Variants in TMEM132B observed in about 807,000 individuals in gnomAD.
TMEM132B encodes transmembrane protein 132B.
Under a neutral mutation model 90.8 loss-of-function variants are expected in TMEM132B, and 18 were observed. The ratio of observed to expected loss-of-function variants is 0.20; its 90% CI spans 0.14 to 0.29. The LOEUF (loss-of-function observed/expected upper bound fraction) is 0.29, where lower values mean the gene tolerates loss of function less well. Among genes scored for constraint, TMEM132B ranks in the 10% least tolerant of loss-of-function variants. The probability of loss-of-function intolerance (pLI) is 1.00; values close to 1 mark genes in which losing one functional copy is unlikely to be tolerated. For missense variants in TMEM132B, 1,096 were observed against 1,326.8 expected (o/e 0.83, Z 2.70); for synonymous variants, 504 against 523.3 (o/e 0.96, Z 0.50).
At chr12:125,196,894 C>G (rs751592246) in intron 1 of TMEM132B, among the ~76,000 whole-genome samples, 2 of 152,044 alleles carry the variant, frequency 1.3e-5, no homozygotes, top group Non-Finnish European at 2.9e-5. Context: ...GCTGCTTGCC[C>G]CAGGAGAAAC....
Position 125,526,540 on chromosome 12 carries a change from G to A in TMEM132B, c.1293+6915G>A, listed in dbSNP as rs191028761. Among the ~76,000 whole-genome samples, 1,082 of 152,338 alleles carry A rather than the reference G, an allele frequency of 7.1e-3. 44 individuals are homozygous for A. Among genetic ancestry groups the A allele is most frequent in the South Asian group, 5.2e-3 (25 of 4,828 alleles). On this transcript the variant is annotated intron_variant, in intron 4 of 8. Transcript: ENST00000682704. ...CATCTGCACTCATGGAATTGCCCAC[G>A]CAGTGCCCCTGGTGCCCTCTGAGAA... is the stretch of plus-strand genomic sequence containing the variant.
At chr12:125,510,918 C>G (rs1882960448) in intron 3 of TMEM132B, among the ~76,000 whole-genome samples, 1 of 152,170 alleles carries the variant, frequency 6.6e-6, no homozygotes, top group Non-Finnish European at 1.5e-5. Flanking sequence ...TTATAATGAG[C>G]ATGCCATGTA....
chr12:125,234,516 G>A (rs148728039), intron 1 of TMEM132B, among the ~76,000 whole-genome samples: 159 of 152,232 alleles, frequency 1.0e-3, no homozygotes, highest in African/African-American at 3.6e-3. Flanking sequence ...GTACATTCTC[G>A]GGCCCCACCT....
chr12:125,265,364 G>C (rs1358183029), intron 1 of TMEM132B, among the ~76,000 whole-genome samples: 5 of 152,022 alleles, frequency 3.3e-5, no homozygotes, highest in African/African-American at 2.4e-5. Context: ...ATTAGACATA[G>C]TAAGAGATGA....
intron 4 of TMEM132B, among the ~76,000 whole-genome samples, chr12:125,580,499 T>G (rs1390945323): frequency 6.6e-6 from 1 of 152,332 alleles, no homozygotes; most frequent in South Asian, 2.1e-4. Flanking sequence ...AGCCCTGACC[T>G]GACCCCTCCA....
At chr12:125,193,711 G>A (rs1020025257) in intron 1 of TMEM132B, among the ~76,000 whole-genome samples, 5 of 152,196 alleles carry the variant, frequency 3.3e-5, no homozygotes, top group African/African-American at 4.8e-5. Flanking sequence ...TCAAGAAATG[G>A]CAACCAGCTC....
intron 5 of TMEM132B, among the ~76,000 whole-genome samples, chr12:125,617,344 C>CTT (rs772003323): frequency 1.7e-4 from 23 of 135,210 alleles, no homozygotes; most frequent in Non-Finnish European, 2.2e-4. Context: ...TTTCACTGCC[C>CTT]TTTTTTTTTT....
rs553070349 is a variant in TMEM132B at position 125,616,169 on chromosome 12, A to G, written c.1438-27907A>G. On this transcript the variant is annotated intron_variant, in intron 5 of 8. Transcript: ENST00000682704. ...TGTTCTCATTGTTCAATTCCCACCT[A>G]TGAGTGAGAACATGCGGTGTTTGGT... Among the ~76,000 whole-genome samples, 12 of 138,078 alleles carry G rather than the reference A, an allele frequency of 8.7e-5. No homozygotes were observed. The East Asian group carries it at 2.6e-3, about 30-fold the overall frequency. The allele number at this position is 138,078 out of a possible 152,430, so 90.6% of individuals were successfully genotyped here. A position where few individuals can be genotyped will look rare whatever the true frequency, so the allele number is the denominator to read the frequency against.
At chr12:125,417,163 G>T (rs1566029844) in intron 3 of TMEM132B, among the ~76,000 whole-genome samples, 1 of 152,060 alleles carries the variant, frequency 6.6e-6, no homozygotes, top group Non-Finnish European at 1.5e-5. Context: ...CAAGATGTCT[G>T]CAGCTCTTCC....
At position 125,333,045 on chromosome 12, in the gene TMEM132B, C is replaced by T. The variant is rs150844942; in HGVS notation, c.68-16407C>T. Among the ~76,000 whole-genome samples, 18 of 152,282 alleles carry T rather than the reference C, an allele frequency of 1.2e-4. No individual in the cohort carries two copies. The East Asian group carries it at 2.3e-3, about 20-fold the overall frequency. Reference sequence around the variant, plus strand: ...ACTGATTTCTCACACATTCTGGAGGCGAAATCAAGGTGTTGCCCTGTTGTT... The same window carrying T: ...ACTGATTTCTCACACATTCTGGAGGTGAAATCAAGGTGTTGCCCTGTTGTT... On this transcript the variant is annotated intron_variant, in intron 1 of 8. Transcript: ENST00000682704.
chr12:125,599,003 A>T (rs1264157084), intron 5 of TMEM132B, among the ~76,000 whole-genome samples: 1 of 152,164 alleles, frequency 6.6e-6, no homozygotes, highest in Non-Finnish European at 1.5e-5. Context: ...CACAGTCATA[A>T]TCAGCTTCAA....
At chr12:125,444,355 CCTGT>C (rs960952772) in intron 3 of TMEM132B, among the ~76,000 whole-genome samples, 1 of 152,098 alleles carries the variant, frequency 6.6e-6, no homozygotes, top group Admixed American at 6.5e-5. Flanking sequence ...AGTTTTCTCT[CCTGT>C]CTTTCTTTTG....
At chr12:125,201,731 ATGT>A (rs1273029070) in intron 1 of TMEM132B, among the ~76,000 whole-genome samples, 2 of 152,174 alleles carry the variant, frequency 1.3e-5, no homozygotes, top group Non-Finnish European at 2.9e-5. Flanking sequence ...ACCCCTTGAG[ATGT>A]TGTGAGGATT....
At position 125,486,688 on chromosome 12, in the gene TMEM132B, G is replaced by A. The variant is rs141161254; in HGVS notation, c.1107-32751G>A. On this transcript the variant is annotated intron_variant, in intron 3 of 8. Coordinates refer to ENST00000682704, the MANE Select transcript of TMEM132B (RefSeq NM_001366854.1). Reference sequence around the variant, plus strand: ...TGACTTCTAAATATCAAGTTTCCAGGCACTGCTAGGACCCTCTGAGGGTTC... The same window carrying A: ...TGACTTCTAAATATCAAGTTTCCAGACACTGCTAGGACCCTCTGAGGGTTC... Among the ~76,000 whole-genome samples the A allele has an allele frequency of 2.2e-3, 339 of 152,260 alleles. 2 individuals carry two copies. Among genetic ancestry groups the A allele is most frequent in the African/African-American group, 7.9e-3 (329 of 41,538 alleles).
chr12:125,615,298 A>C lies in TMEM132B; in HGVS notation c.1438-28778A>C, dbSNP rs578125206. On this transcript the variant is annotated intron_variant, in intron 5 of 8. Coordinates refer to ENST00000682704, the MANE Select transcript of TMEM132B (RefSeq NM_001366854.1). Reference sequence around the variant, plus strand: ...TTCTACTCTTCCTAGAATTCTCATCATTCCTTTATAGATATATATATATGA... The same window carrying C: ...TTCTACTCTTCCTAGAATTCTCATCCTTCCTTTATAGATATATATATATGA... 2.0e-5 allele frequency among the ~76,000 whole-genome samples: 3 copies of C among 152,012 alleles called. No homozygotes were observed. The South Asian group carries it at 6.2e-4, about 32-fold the overall frequency.
intron 2 of TMEM132B, among the ~76,000 whole-genome samples, chr12:125,370,120 C>G (rs1392934061): frequency 2.0e-5 from 3 of 152,156 alleles, no homozygotes; most frequent in Non-Finnish European, 2.9e-5. Flanking sequence ...GATGAGTGAT[C>G]TGTGAAGTTA....
At chr12:125,466,734 G>A (rs971543240) in intron 3 of TMEM132B, among the ~76,000 whole-genome samples, 1 of 152,238 alleles carries the variant, frequency 6.6e-6, no homozygotes, top group Non-Finnish European at 1.5e-5. Flanking sequence ...CAGATCCTGG[G>A]CCTGTGCTGG....
At chr12:125,556,418 G>A (rs759201964) in intron 4 of TMEM132B, among the ~76,000 whole-genome samples, 1 of 152,184 alleles carries the variant, frequency 6.6e-6, no homozygotes, top group Non-Finnish European at 1.5e-5. Flanking sequence ...GAAGAGCTAA[G>A]AGAACAAATA....
At position 125,436,533 on chromosome 12, in the gene TMEM132B, G is replaced by A. The variant is rs185111033; in HGVS notation, c.1106+20856G>A. ...CAGACATGCACACAGGCAGAACGTC[G>A]CATGAAGAAGGCAGAGGGCGTGATG... On this transcript the variant is annotated intron_variant, in intron 3 of 8. Coordinates refer to ENST00000682704, the MANE Select transcript of TMEM132B (RefSeq NM_001366854.1). Among the ~76,000 whole-genome samples the A allele has an allele frequency of 5.9e-5, 9 of 152,248 alleles. No individual in the cohort carries two copies. In the East Asian group the frequency reaches 1.2e-3, roughly 20 times the overall value.
Sources: gnomAD v4.1 joint callset for allele counts (sites outside exome capture counted in the v4.1 genomes callset) on GRCh38, gnomAD v4.1.1 for gene constraint, MANE v1.5 for transcripts, NCBI Gene and HGNC (gene_info 2026-07-23, HGNC 2026-07-21) for gene names.